Variants in XPR1 observed in about 807,000 individuals in gnomAD.
XPR1 encodes the protein solute carrier family 53 member 1.
Under a neutral mutation model 87.5 loss-of-function variants are expected in XPR1, and 28 were observed. The ratio of observed to expected loss-of-function variants is 0.32; its 90% confidence interval spans 0.24 to 0.44. The LOEUF is 0.44. Among genes scored for constraint, XPR1 ranks in the 20% least tolerant of loss-of-function variants. The pLI is 1.00. For synonymous variants in XPR1, 300 were observed against 306.1 expected (o/e 0.98, Z 0.21); for missense variants, 559 against 862.3 (o/e 0.65, Z 4.41).
intron 12 of XPR1, 97 bp downstream of exon 12, chr1:180,863,971 C>CT (rs1453381492): frequency 1.1e-6 from 1 of 921,310 alleles, no homozygotes. Flanking sequence ...TTATATTACT[C>CT]TAATATAATT....
chr1:180,733,669 G>A (rs1234970832), intron 2 of XPR1, among the ~76,000 whole-genome samples: 1 of 152,158 alleles, frequency 6.6e-6, no homozygotes, highest in Non-Finnish European at 1.5e-5. Context: ...AGGTAGAGGT[G>A]GTAGAGATGT....
intron 7 of XPR1, among the ~76,000 whole-genome samples, chr1:180,813,417 C>T (rs1340615543): frequency 6.6e-6 from 1 of 152,138 alleles, no homozygotes; most frequent in Non-Finnish European, 1.5e-5. Flanking sequence ...GTCCCTTTAG[C>T]CTACGTTAGT....
intron 12 of XPR1, among the ~76,000 whole-genome samples, chr1:180,864,145 G>A (rs772057896): frequency 6.6e-6 from 1 of 152,064 alleles, no homozygotes; most frequent in African/African-American, 2.4e-5. Flanking sequence ...AATACAATGC[G>A]ATAAAGACTG....
At chr1:180,685,410 G>A (rs1432517144) in intron 2 of XPR1, among the ~76,000 whole-genome samples, 1 of 152,112 alleles carries the variant, frequency 6.6e-6, no homozygotes, top group African/African-American at 2.4e-5. Context: ...GAGGATTTTT[G>A]CATCGATGTT....
chr1:180,677,674 G>A (rs1243604062), intron 1 of XPR1, among the ~76,000 whole-genome samples: 2 of 152,188 alleles, frequency 1.3e-5, no homozygotes, highest in Admixed American at 6.5e-5. Flanking sequence ...CTAATCTTGT[G>A]ACTAGTTAGT....
intron 11 of XPR1, among the ~76,000 whole-genome samples, chr1:180,862,047 A>G (rs1308945822): frequency 2.0e-5 from 3 of 152,130 alleles, no homozygotes; most frequent in Non-Finnish European, 2.9e-5. Flanking sequence ...CTATTTATAA[A>G]GTTATGTAAG....
At chr1:180,874,948 T>G (rs1325328183) in intron 13 of XPR1, among the ~76,000 whole-genome samples, 3 of 152,224 alleles carry the variant, frequency 2.0e-5, no homozygotes, top group Non-Finnish European at 4.4e-5. Flanking sequence ...TTTAACATAT[T>G]TCCTTCAGTG....
intron 3 of XPR1, among the ~76,000 whole-genome samples, chr1:180,788,074 T>C (rs1649222851): frequency 6.6e-6 from 1 of 152,220 alleles, no homozygotes; most frequent in Non-Finnish European, 1.5e-5. Flanking sequence ...CAAAAGGATA[T>C]TGGGACTTCG....
intron 2 of XPR1, among the ~76,000 whole-genome samples, chr1:180,728,937 T>C (rs1008527253): frequency 6.6e-6 from 1 of 152,214 alleles, no homozygotes; most frequent in African/African-American, 2.4e-5. Flanking sequence ...GATTATTTCA[T>C]CAGCCAGGTA....
chr1:180,834,286 G>A (rs1444839124), intron 9 of XPR1, among the ~76,000 whole-genome samples: 1 of 152,056 alleles, frequency 6.6e-6, no homozygotes, highest in Non-Finnish European at 1.5e-5. Context: ...CACCATGTTG[G>A]CCAGGCTGGT....
chr1:180,696,738 A>G (rs111945638), intron 2 of XPR1, among the ~76,000 whole-genome samples: 12 of 152,258 alleles, frequency 7.9e-5, no homozygotes, highest in East Asian at 1.9e-4. Flanking sequence ...GTGTGTGTCT[A>G]TTGAGATGAG....
chr1:180,704,277 T>TATATATATATATATATATATATATA (rs59197475), intron 2 of XPR1, among the ~76,000 whole-genome samples: 2 of 136,164 alleles, frequency 1.5e-5, no homozygotes, highest in African/African-American at 2.8e-5. Flanking sequence ...TATATATATA[T>TATATATATATATATATATATATATA]TATCAGATTA....
chr1:180,708,921 G>C (rs1355284397), intron 2 of XPR1, among the ~76,000 whole-genome samples: 2 of 92,842 alleles, frequency 2.2e-5, no homozygotes, highest in Non-Finnish European at 4.2e-5. Context: ...GGGGGGGGGG[G>C]GCGGGGGCGG....
At chr1:180,736,151 T>G (rs1186112299) in intron 2 of XPR1, among the ~76,000 whole-genome samples, 1 of 152,190 alleles carries the variant, frequency 6.6e-6, no homozygotes, top group Non-Finnish European at 1.5e-5. Context: ...AAACACTGCC[T>G]TACGACATTA....
At chr1:180,774,736 A>G (rs1376804314) in intron 2 of XPR1, among the ~76,000 whole-genome samples, 1 of 152,080 alleles carries the variant, frequency 6.6e-6, no homozygotes, top group African/African-American at 2.4e-5. Context: ...TATCTGACCA[A>G]TATTGATGTT....
At chr1:180,664,055 G>A (rs540450358) in intron 1 of XPR1, among the ~76,000 whole-genome samples, 5 of 152,258 alleles carry the variant, frequency 3.3e-5, no homozygotes, top group African/African-American at 1.2e-4. Context: ...CTGGCACAGG[G>A]TAGGTCTAGA....
At chr1:180,794,418 A>T (rs922361608) in intron 3 of XPR1, among the ~76,000 whole-genome samples, 10 of 152,222 alleles carry the variant, frequency 6.6e-5, no homozygotes, top group South Asian at 4.1e-4. Flanking sequence ...GGCATTTTTT[A>T]AAAAATATAG....
chr1:180,696,208 GTATA>G (rs71121045), intron 2 of XPR1, among the ~76,000 whole-genome samples: 1,798 of 88,454 alleles, frequency 0.02, 25 homozygotes, highest in African/African-American at 0.032. Context: ...GTGTGTGTGT[GTATA>G]TATATATATA....
At chr1:180,726,798 A>G (rs984076177) in intron 2 of XPR1, among the ~76,000 whole-genome samples, 2 of 152,192 alleles carry the variant, frequency 1.3e-5, no homozygotes, top group African/African-American at 4.8e-5. Context: ...TTTGTAAAAT[A>G]GAGTCATTTA....
Sources: gnomAD v4.1 joint callset for allele counts (sites outside exome capture counted in the v4.1 genomes callset) on GRCh38, gnomAD v4.1.1 for gene constraint, MANE v1.5 for transcripts, NCBI Gene and HGNC (gene_info 2026-07-23, HGNC 2026-07-21) for gene names.